Variants in NRXN1 observed in about 807,000 individuals in gnomAD.
The protein encoded by NRXN1 is neurexin 1, also known as neurexin-1.
Under a neutral mutation model 150.9 loss-of-function variants are expected in NRXN1, and 39 were observed. The observed-to-expected ratio is 0.26, with a 90% CI of 0.20 to 0.34. The LOEUF (loss-of-function observed/expected upper bound fraction) is 0.34. NRXN1 is among the 10% of genes least tolerant of loss of function. The pLI is 1.00. For synonymous variants in NRXN1, 924 were observed against 757.0 expected, an observed-to-expected ratio of 1.22 and a Z score of -3.62; for missense variants, 1,815 against 1,949.9, an observed-to-expected ratio of 0.93 and a Z score of 1.30.
At chr2:50,153,896 C>T (rs1431995681) in intron 18 of NRXN1, among the ~76,000 whole-genome samples, 1 of 151,700 alleles carries the variant, frequency 6.6e-6, no homozygotes, top group African/African-American at 2.4e-5. Context: ...TGGTATTTGA[C>T]ACTTTGAGTC....
intron 19 of NRXN1, among the ~76,000 whole-genome samples, chr2:50,072,180 C>T (rs1696384551): frequency 6.6e-6 from 1 of 152,186 alleles, no homozygotes; most frequent in African/African-American, 2.4e-5. Flanking sequence ...ATTTTCTTCA[C>T]TTTGTGGCTC....
intron 21 of NRXN1, among the ~76,000 whole-genome samples, chr2:50,049,467 G>A (rs758126098): frequency 3.3e-5 from 5 of 152,132 alleles, no homozygotes; most frequent in African/African-American, 4.8e-5. Context: ...AGGTGGTTGT[G>A]TTGAAAGTGG....
intron 2 of NRXN1, among the ~76,000 whole-genome samples, chr2:50,987,504 T>C (rs1558540117): frequency 1.3e-5 from 2 of 151,930 alleles, no homozygotes; most frequent in African/African-American, 4.8e-5. Flanking sequence ...GTTACAAACT[T>C]AGAACAAAAT....
At chr2:50,938,442 G>GA (rs1408908545) in intron 2 of NRXN1, among the ~76,000 whole-genome samples, 1 of 152,114 alleles carries the variant, frequency 6.6e-6, no homozygotes, top group Admixed American at 6.5e-5. Context: ...AAGACTCTAG[G>GA]AAGTTCCAAA....
chr2:50,434,891 C>A (rs1189639835), intron 17 of NRXN1, among the ~76,000 whole-genome samples: 1 of 152,060 alleles, frequency 6.6e-6, no homozygotes, highest in Non-Finnish European at 1.5e-5. Context: ...ACCCAGCTTG[C>A]CCACATATTT....
intron 18 of NRXN1, among the ~76,000 whole-genome samples, chr2:50,211,001 T>C (rs747581293): frequency 2.0e-5 from 3 of 151,732 alleles, no homozygotes; most frequent in African/African-American, 4.8e-5. Context: ...CAGTGATATA[T>C]AAGTTAAGTT....
intron 18 of NRXN1, among the ~76,000 whole-genome samples, chr2:50,140,148 A>C (rs1007053179): frequency 1.2e-4 from 18 of 152,206 alleles, no homozygotes; most frequent in Admixed American, 7.9e-4. Context: ...ATACAGCATG[A>C]AAGATTGCTT....
intron 10 of NRXN1, among the ~76,000 whole-genome samples, chr2:50,535,492 C>A (rs1330384890): frequency 7.9e-5 from 12 of 152,154 alleles, no homozygotes; most frequent in Admixed American, 7.9e-4. Flanking sequence ...GACATCTGTC[C>A]CTCCATCTGT....
chr2:50,054,467 A>C (rs1042557744), intron 20 of NRXN1, among the ~76,000 whole-genome samples: 1 of 152,194 alleles, frequency 6.6e-6, no homozygotes, highest in African/African-American at 2.4e-5. Flanking sequence ...TCCTCTTAGA[A>C]GGTTGCAAAT....
intron 17 of NRXN1, among the ~76,000 whole-genome samples, chr2:50,300,458 CAG>C (rs2074044437): frequency 6.6e-6 from 1 of 152,170 alleles, no homozygotes; most frequent in African/African-American, 2.4e-5. Context: ...TTATCTGTGG[CAG>C]AGACTTAAAA....
At position 50,169,382 on chromosome 2, in the gene NRXN1, T is replaced by C. The variant is rs143218658; in HGVS notation, c.3546+67407A>G. Among the ~76,000 whole-genome samples, 68 of 152,260 alleles carry C rather than the reference T, an allele frequency of 4.5e-4. No individual in the cohort carries two copies. In the East Asian group the frequency reaches 0.012, roughly 28 times the overall value. On this transcript the variant is annotated intron_variant, in intron 18 of 22. Coordinates refer to ENST00000401669, the MANE Select transcript of NRXN1 (RefSeq NM_001330078.2). Reference sequence around the variant, plus strand: ...TTCAGGGAAGTTTCTTGGGTAAGTTTATTTCTGCACTAAGTGAAAATGTTA... The same window carrying C: ...TTCAGGGAAGTTTCTTGGGTAAGTTCATTTCTGCACTAAGTGAAAATGTTA...
chr2:50,288,703 C>G (rs955565467), intron 17 of NRXN1, among the ~76,000 whole-genome samples: 4 of 152,110 alleles, frequency 2.6e-5, no homozygotes, highest in Non-Finnish European at 5.9e-5. Context: ...GACTTATTCA[C>G]TATCACTAAA....
At chr2:50,798,061 A>G (rs1481611482) in intron 5 of NRXN1, among the ~76,000 whole-genome samples, 1 of 152,184 alleles carries the variant, frequency 6.6e-6, no homozygotes, top group Non-Finnish European at 1.5e-5. Flanking sequence ...TCTGTAGAAT[A>G]TTTACCAGGA....
chr2:50,435,102 A>T (rs2085313999), intron 17 of NRXN1, among the ~76,000 whole-genome samples: 1 of 152,250 alleles, frequency 6.6e-6, no homozygotes, highest in Non-Finnish European at 1.5e-5. Flanking sequence ...AATACAATAT[A>T]TAAAAGCATT....
intron 21 of NRXN1, among the ~76,000 whole-genome samples, chr2:50,010,398 T>C (rs989022182): frequency 6.6e-5 from 10 of 152,154 alleles, no homozygotes; most frequent in African/African-American, 2.4e-4. Flanking sequence ...TGTTATTGTC[T>C]TATCTTTTTA....
intron 5 of NRXN1, among the ~76,000 whole-genome samples, chr2:50,898,945 G>C (rs1416972879): frequency 1.3e-5 from 2 of 151,414 alleles, no homozygotes; most frequent in Non-Finnish European, 2.9e-5. Flanking sequence ...CTTGCCGACA[G>C]ATTAAAAATT....
Position 50,659,688 on chromosome 2 carries a change from A to T in NRXN1, c.833-36073T>A, listed in dbSNP as rs1687011162. On this transcript the variant is annotated intron_variant, in intron 5 of 22. Coordinates refer to ENST00000401669, the MANE Select transcript of NRXN1 (RefSeq NM_001330078.2). ...TCATTTATATTTTTCTGCAAAAATT[A>T]GTTGTTCATTCTTTAATTCATATAC... Among the ~76,000 whole-genome samples, 4 of 151,644 alleles carry T rather than the reference A, an allele frequency of 2.6e-5. No homozygotes were observed. The South Asian group carries it at 8.3e-4, about 31-fold the overall frequency.
intron 19 of NRXN1, among the ~76,000 whole-genome samples, chr2:50,060,908 A>AGAG (rs375315129): frequency 0.013 from 2,030 of 152,288 alleles, 46 homozygotes; most frequent in African/African-American, 0.046. Flanking sequence ...TCTTCAAAGC[A>AGAG]GTATGAAAAT....
chr2:50,919,661 T>C (rs1281173532), intron 5 of NRXN1: 1 of 151,880 alleles, frequency 6.6e-6, no homozygotes, highest in Non-Finnish European at 1.5e-5. Context: ...ATCAGTTATA[T>C]AAACTGTCCA....
Sources: gnomAD v4.1 joint callset for allele counts (sites outside exome capture counted in the v4.1 genomes callset) on GRCh38, gnomAD v4.1.1 for gene constraint, MANE v1.5 for transcripts, NCBI Gene and HGNC (gene_info 2026-07-23, HGNC 2026-07-21) for gene names.